TMCO4: variants seen among roughly 807,000 people sequenced by gnomAD.
TMCO4 encodes the protein transmembrane and coiled-coil domain-containing protein 4.
In TMCO4, 58 loss-of-function variants were observed where a neutral mutation model predicts 64.7. That is an observed-to-expected ratio of 0.90 (90% CI 0.73 to 1.12). The LOEUF (loss-of-function observed/expected upper bound fraction) is 1.12, where lower values mean the gene tolerates loss of function less well. Among genes scored for constraint, TMCO4 ranks in the 50% most tolerant of loss-of-function variants. The pLI, the probability that TMCO4 is intolerant of heterozygous loss-of-function variation, is 0.00. For missense variants in TMCO4, 780 were observed against 825.9 expected (o/e 0.94, Z 0.68); for synonymous variants, 325 against 346.1 (o/e 0.94, Z 0.68).
At chr1:19,761,349 T>C (rs1406757617) in intron 6 of TMCO4, among the ~76,000 whole-genome samples, 4 of 152,162 alleles carry the variant, frequency 2.6e-5, no homozygotes, top group Non-Finnish European at 5.9e-5. Flanking sequence ...TCCTTCTAAA[T>C]CAGCCCATGA....
chr1:19,736,568 A>T (rs1343777276), intron 13 of TMCO4, among the ~76,000 whole-genome samples: 11 of 152,132 alleles, frequency 7.2e-5, no homozygotes, highest in Admixed American at 5.9e-4. Context: ...AACCACTCCA[A>T]GTGCCCCAGG....
chr1:19,766,963 G>A (rs1372851610), intron 6 of TMCO4, among the ~76,000 whole-genome samples: 3 of 152,136 alleles, frequency 2.0e-5, no homozygotes, highest in Admixed American at 6.5e-5. Flanking sequence ...CTCCCATTGG[G>A]TCCCAGTGTG....
In TMCO4 at chr1:19,771,413, G is replaced by C. The variant is rs2042976317; in HGVS notation, c.249C>G (p.Thr83=). The C allele has an allele frequency of 6.2e-7, 1 of 1,614,048 alleles. No individual in the cohort carries two copies. Among genetic ancestry groups the C allele is most frequent in the Non-Finnish European group, 8.5e-7 (1 of 1,180,024 alleles). The change falls in exon 5 of 16, where the codon ACC becomes ACG. Residue 83 remains threonine (T), a synonymous_variant. Coordinates refer to ENST00000294543, the MANE Select transcript of TMCO4 (RefSeq NM_181719.7). The part of the protein sequence containing the change: ...WLELSEAVLP[T]MTAFASGLGG... ...CCAGGCCGCTCGCAAAAGCAGTCAT[G>C]GTTGGCAAGACAGCTTCAGACAACT...
At chr1:19,776,629 C>A (rs1321184334) in intron 4 of TMCO4, among the ~76,000 whole-genome samples, 1 of 152,196 alleles carries the variant, frequency 6.6e-6, no homozygotes, top group Non-Finnish European at 1.5e-5. Flanking sequence ...ACCCTCCTTA[C>A]AATCACCCTC....
At chr1:19,719,296 A>T (rs1036658049) in intron 13 of TMCO4, among the ~76,000 whole-genome samples, 1 of 152,184 alleles carries the variant, frequency 6.6e-6, no homozygotes, top group African/African-American at 2.4e-5. Context: ...CAGACAGAAG[A>T]AGTCAGGTTG....
chr1:19,747,377 G>T, intron 7 of TMCO4, 117 bp from the exon 8 acceptor site: 1 of 882,174 alleles, frequency 1.1e-6, no homozygotes, highest in Non-Finnish European at 1.9e-6. Flanking sequence ...GCCACTCAGA[G>T]TAAGGCACCA....
chr1:19,706,506 TG>T (rs1243986245), intron 13 of TMCO4, among the ~76,000 whole-genome samples: 1 of 152,214 alleles, frequency 6.6e-6, no homozygotes, highest in African/African-American at 2.4e-5. Flanking sequence ...AGACTTTTTA[TG>T]TAAAAGAGGG....
At chr1:19,781,463 T>TA (rs34207516) in intron 3 of TMCO4, among the ~76,000 whole-genome samples, 27,657 of 140,062 alleles carry the variant, frequency 0.2, 3,064 homozygotes, top group East Asian at 0.34. Flanking sequence ...CCCTGTCTCT[T>TA]AAAAAAAAAA....
intron 13 of TMCO4, among the ~76,000 whole-genome samples, chr1:19,730,532 A>C (rs1265360784): frequency 6.6e-6 from 1 of 152,248 alleles, no homozygotes; most frequent in East Asian, 1.9e-4. Context: ...GAGGTGAGTC[A>C]CACACAATCC....
At chr1:19,690,204 T>G (rs191503154) in intron 15 of TMCO4, among the ~76,000 whole-genome samples, 4 of 152,228 alleles carry the variant, frequency 2.6e-5, no homozygotes, top group Non-Finnish European at 5.9e-5. Flanking sequence ...TCATTCTTCT[T>G]GGATGCTGGA....
At chr1:19,690,866 CTTTTTTTT>C (rs34764589) in intron 15 of TMCO4, among the ~76,000 whole-genome samples, 11 of 111,280 alleles carry the variant, frequency 9.9e-5, no homozygotes, top group East Asian at 4.8e-4. Context: ...TGTGAAGACT[CTTTTTTTT>C]TTTTTTTTTT....
chr1:19,717,755 G>C (rs2095363285), intron 13 of TMCO4, among the ~76,000 whole-genome samples: 1 of 152,094 alleles, frequency 6.6e-6, no homozygotes, highest in East Asian at 1.9e-4. Flanking sequence ...CTTCTGGAAG[G>C]AAAGGCTCCT....
At chr1:19,744,373 G>T (rs183264004) in intron 10 of TMCO4, among the ~76,000 whole-genome samples, 1 of 152,184 alleles carries the variant, frequency 6.6e-6, no homozygotes, top group African/African-American at 2.4e-5. Context: ...GAGAAACCAC[G>T]TGATGTTCCT....
At chr1:19,720,532 C>T (rs1352543142) in intron 13 of TMCO4, among the ~76,000 whole-genome samples, 1 of 152,096 alleles carries the variant, frequency 6.6e-6, no homozygotes, top group South Asian at 2.1e-4. Context: ...ATTTGTTTTT[C>T]TCTGGGTCCT....
rs147179821 is a variant in TMCO4, at chr1:19,746,564, C to A, written c.649G>T (p.Ala217Ser). The A allele has an allele frequency of 7.5e-6, 12 of 1,610,724 alleles. No individual in the cohort carries two copies. Among genetic ancestry groups the A allele is most frequent in the Middle Eastern group, 1.6e-4 (1 of 6,076 alleles). The change falls in exon 9 of 16, where the codon GCT becomes TCT. Residue 217 changes from alanine to serine, a missense_variant. Coordinates refer to ENST00000294543, the MANE Select transcript of TMCO4 (RefSeq NM_181719.7). ...TGGLAAPLVA[A>S]GAATIIGSAG... ...CTGCCAATAATCGTCGCTGCTCCAG[C>A]GGCAACAAGGGGTGCAGCTAGACCT...
At position 19,743,152 on chromosome 1, in the gene TMCO4, A is replaced by G. The variant is rs2095487622; in HGVS notation, c.878-2211T>C. 1.3e-5 allele frequency among the ~76,000 whole-genome samples: 2 copies of G among 152,188 alleles called. No individual in the cohort carries two copies. Among genetic ancestry groups the G allele is most frequent in the Non-Finnish European group, 2.9e-5 (2 of 68,040 alleles). Reference sequence around the variant, plus strand: ...GGCCAAGAATATGGGCTGGAGCCAGATAGAATGGGGGTGAATCCTGCCCCT... The same window carrying G: ...GGCCAAGAATATGGGCTGGAGCCAGGTAGAATGGGGGTGAATCCTGCCCCT... On this transcript the variant is annotated intron_variant, in intron 10 of 15. Coordinates refer to ENST00000294543, the MANE Select transcript of TMCO4 (RefSeq NM_181719.7). The surrounding 1 kb of genome is among the most constrained non-coding windows in gnomAD (Gnocchi z 4.1).
At chr1:19,788,174 A>G (rs2043839284) in intron 2 of TMCO4, among the ~76,000 whole-genome samples, 1 of 152,226 alleles carries the variant, frequency 6.6e-6, no homozygotes, top group African/African-American at 2.4e-5. Context: ...GTTCCTCCCC[A>G]GCATGAGAAT....
intron 6 of TMCO4, among the ~76,000 whole-genome samples, chr1:19,757,152 G>T (rs1000117437): frequency 1.6e-5 from 2 of 122,070 alleles, no homozygotes; most frequent in South Asian, 3.0e-4. Context: ...TTAGCCAGGC[G>T]TGGTGGCGGG....
intron 13 of TMCO4, among the ~76,000 whole-genome samples, chr1:19,711,663 CT>C (rs1231836042): frequency 5.2e-4 from 74 of 143,120 alleles, no homozygotes; most frequent in South Asian, 2.5e-3. Context: ...TAATTTTTTG[CT>C]TTTTTTTTTT....
Sources: gnomAD v4.1 joint callset for allele counts (sites outside exome capture counted in the v4.1 genomes callset) on GRCh38, gnomAD v4.1.1 for gene constraint, Gnocchi (gnomAD v3.1) non-coding constraint, MANE v1.5 for transcripts, NCBI Gene and HGNC (gene_info 2026-07-23, HGNC 2026-07-21) for gene names.